Variants in RARB observed in about 807,000 individuals in gnomAD.
RARB encodes the protein retinoic acid receptor beta, also known as HBV-activated protein.
A neutral mutation model predicts 51.9 loss-of-function variants in RARB; 17 were observed. The observed-to-expected ratio is 0.33, with a 90% CI of 0.22 to 0.49. The LOEUF is 0.49. RARB is among the 20% of genes least tolerant of loss of function. The pLI, the probability that RARB is intolerant of heterozygous loss-of-function variation, is 0.99. For synonymous variants in RARB, 215 were observed against 195.4 expected, an observed-to-expected ratio of 1.10 and a Z score of -0.84; for missense variants, 369 against 550.8, an observed-to-expected ratio of 0.67 and a Z score of 3.30.
chr3:24,858,348 C>T (rs1016786626), intron 1 of RARB, among the ~76,000 whole-genome samples: 2 of 152,050 alleles, frequency 1.3e-5, no homozygotes, highest in Non-Finnish European at 2.9e-5. Flanking sequence ...CTATAATTAA[C>T]GATTGCCACC....
intron 5 of RARB, among the ~76,000 whole-genome samples, chr3:25,219,046 C>T (rs1040221873): frequency 2.6e-5 from 4 of 152,136 alleles, no homozygotes. Flanking sequence ...CATGTGGGAT[C>T]CATTCATTCA....
intron 3 of RARB, among the ~76,000 whole-genome samples, chr3:25,536,718 T>C (rs1699156936): frequency 6.6e-6 from 1 of 152,190 alleles, no homozygotes; most frequent in Non-Finnish European, 1.5e-5. Context: ...GTTGAGCAAA[T>C]GCAGCTGGGC....
intron 5 of RARB, among the ~76,000 whole-genome samples, chr3:25,293,590 C>A: frequency 3.1e-5 from 1 of 32,550 alleles, no homozygotes; most frequent in Non-Finnish European, 9.4e-5. Flanking sequence ...GCTAGAGTTA[C>A]TCCATTTAAA....
chr3:25,555,020 C>G (rs1700000238), intron 3 of RARB, among the ~76,000 whole-genome samples: 1 of 152,212 alleles, frequency 6.6e-6, no homozygotes, highest in South Asian at 2.1e-4. Flanking sequence ...TTCTTAAAGG[C>G]TTCTCATCTC....
Position 25,114,984 on chromosome 3 carries a change from G to A in RARB, c.-327-17177G>A, listed in dbSNP as rs148250501. Among the ~76,000 whole-genome samples the A allele has an allele frequency of 6.8e-3, 1,030 of 152,212 alleles. 6 individuals are homozygous for A. The highest frequency in any genetic ancestry group is 0.014 in the Middle Eastern group (4 of 294). ...ACATTAACCAATGTATTTAGCTCAG[G>A]TTTCCCTTTTAGTGCTCAAGGATGA... On this transcript the variant is annotated intron_variant, in intron 3 of 11. Coordinates refer to the RARB transcript ENST00000383772.
At chr3:24,994,744 G>A (rs758446968) in intron 2 of RARB, among the ~76,000 whole-genome samples, 3 of 151,946 alleles carry the variant, frequency 2.0e-5, no homozygotes, top group Non-Finnish European at 2.9e-5. Context: ...ATTTATTGAG[G>A]AGACTGCTCT....
intron 2 of RARB, among the ~76,000 whole-genome samples, chr3:25,477,842 G>A (rs1410355713): frequency 6.6e-6 from 1 of 152,194 alleles, no homozygotes; most frequent in Admixed American, 6.5e-5. Context: ...TGTAAGCATA[G>A]TGGGGATGAT....
At chr3:24,977,973 A>C (rs1033295379) in intron 2 of RARB, among the ~76,000 whole-genome samples, 1 of 152,168 alleles carries the variant, frequency 6.6e-6, no homozygotes, top group African/African-American at 2.4e-5. Context: ...AGTGCTGTTG[A>C]ATTTTGTTAA....
At chr3:25,076,431 A>G (rs1472693918) in intron 3 of RARB, among the ~76,000 whole-genome samples, 1 of 152,148 alleles carries the variant, frequency 6.6e-6, no homozygotes, top group Admixed American at 6.5e-5. Context: ...CAGGAACATT[A>G]TATATGCTTT....
Position 25,070,129 on chromosome 3 carries a change from C to G in RARB, c.-328+9953C>G, listed in dbSNP as rs543224698. On this transcript the variant is annotated intron_variant, in intron 3 of 11. Transcript: ENST00000383772. ...TATTGGGTTCCTTGGCTTTGCAACT[C>G]TATTACTCCAATCTCTGCCTTCACC... Among the ~76,000 whole-genome samples the G allele has an allele frequency of 6.6e-5, 10 of 152,302 alleles. No homozygotes were observed. The South Asian group carries it at 2.1e-3, about 32-fold the overall frequency.
chr3:25,035,865 C>A (rs1697982069), intron 2 of RARB, among the ~76,000 whole-genome samples: 1 of 152,136 alleles, frequency 6.6e-6, no homozygotes, highest in Non-Finnish European at 1.5e-5. Flanking sequence ...GGTCTACACC[C>A]ACCTGCTGTG....
intron 5 of RARB, among the ~76,000 whole-genome samples, chr3:25,229,754 G>A (rs1161400945): frequency 1.5e-5 from 2 of 133,152 alleles, no homozygotes; most frequent in Non-Finnish European, 3.1e-5. Context: ...TAATTCCTTG[G>A]CAGGTCAAGA....
At chr3:25,199,621 GT>G (rs1701339956) in intron 5 of RARB, among the ~76,000 whole-genome samples, 1 of 152,026 alleles carries the variant, frequency 6.6e-6, no homozygotes, top group African/African-American at 2.4e-5. Flanking sequence ...ACAGGCACTG[GT>G]GTGTGATGTT....
chr3:25,216,117 T>C (rs1233081910), intron 5 of RARB, among the ~76,000 whole-genome samples: 1 of 152,122 alleles, frequency 6.6e-6, no homozygotes, highest in African/African-American at 2.4e-5. Context: ...ATGTGTAGTT[T>C]CATTATTAAA....
At chr3:24,968,411 C>T (rs1696324698) in intron 2 of RARB, among the ~76,000 whole-genome samples, 1 of 152,110 alleles carries the variant, frequency 6.6e-6, no homozygotes, top group African/African-American at 2.4e-5. Flanking sequence ...AATCAGTTAA[C>T]TTTGCCATGT....
intron 5 of RARB, among the ~76,000 whole-genome samples, chr3:25,232,460 T>C (rs1238345240): frequency 6.6e-6 from 1 of 152,150 alleles, no homozygotes; most frequent in Non-Finnish European, 1.5e-5. Context: ...AGTATATCTC[T>C]ATGTATTATA....
intron 2 of RARB, among the ~76,000 whole-genome samples, chr3:25,000,597 C>A (rs1404128090): frequency 6.6e-6 from 1 of 151,768 alleles, no homozygotes; most frequent in Non-Finnish European, 1.5e-5. Flanking sequence ...TATTCTGTAC[C>A]CCTGGTCTCT....
rs145980540 is a variant in RARB at position 24,975,880 on chromosome 3, A to G, written c.-379-84245A>G. 8.5e-3 allele frequency among the ~76,000 whole-genome samples: 1,299 copies of G among 152,128 alleles called. 86 individuals are homozygous for G. The highest frequency in any genetic ancestry group is 0.079 in the Admixed American group (1,201 of 15,284). ...GGTTTGCTGCACCCATCAACTCGTC[A>G]TTTACATTAGGTATTTCTCCCAGCG... is the stretch of plus-strand genomic sequence containing the variant. On this transcript the variant is annotated intron_variant, in intron 2 of 11. Coordinates refer to the RARB transcript ENST00000383772.
At chr3:25,435,895 A>G (rs1158019826) in intron 1 of RARB, among the ~76,000 whole-genome samples, 1 of 152,202 alleles carries the variant, frequency 6.6e-6, no homozygotes, top group African/African-American at 2.4e-5. Flanking sequence ...TAGTCGTGCC[A>G]TGGAGCTACT....
Sources: allele counts gnomAD v4.1 joint callset (sites outside exome capture counted in the v4.1 genomes callset), GRCh38; gene constraint gnomAD v4.1.1; transcripts MANE v1.5; gene names NCBI Gene and HGNC (gene_info 2026-07-23, HGNC 2026-07-21).